PODXL: variants seen among roughly 807,000 people sequenced by gnomAD.
The protein encoded by PODXL is podocalyxin.
PODXL carries 20 observed loss-of-function variants against 48.9 expected under a neutral mutation model. The observed-to-expected ratio is 0.41, with a 90% CI of 0.29 to 0.59. PODXL has a LOEUF of 0.59. Among genes scored for constraint, PODXL ranks in the 20% least tolerant of loss-of-function variants. The pLI, the probability that PODXL is intolerant of heterozygous loss-of-function variation, is 0.31. For missense variants in PODXL, 606 were observed against 675.1 expected, an observed-to-expected ratio of 0.90 and a Z score of 1.13; for synonymous variants, 295 against 287.4, an observed-to-expected ratio of 1.03 and a Z score of -0.27.
chr7:131,508,910 G>A (rs1204883309), intron 5 of PODXL, 41 bp downstream of exon 5: 1 of 1,379,756 alleles, frequency 7.2e-7, no homozygotes, highest in Non-Finnish European at 1.0e-6. Context: ...CAGCCCTGCT[G>A]TGAGCCTGCA....
chr7:131,515,088 C>T (rs960073825), intron 1 of PODXL, among the ~76,000 whole-genome samples: 3 of 152,186 alleles, frequency 2.0e-5, no homozygotes, highest in Non-Finnish European at 4.4e-5. Flanking sequence ...ACATGCACGC[C>T]CCTTTCCAGT....
chr7:131,505,041 T>C (rs1249955559), intron 8 of PODXL, among the ~76,000 whole-genome samples: 3 of 152,066 alleles, frequency 2.0e-5, no homozygotes, highest in South Asian at 2.1e-4. Flanking sequence ...TTTTAACAAC[T>C]ACACTGATGG....
chr7:131,529,537 C>G (rs1562911623), intron 1 of PODXL, among the ~76,000 whole-genome samples: 1 of 151,990 alleles, frequency 6.6e-6, no homozygotes, highest in Non-Finnish European at 1.5e-5. Context: ...ATGAGAGGCT[C>G]TGGCCTGGAC....
At chr7:131,521,018 A>C (rs1193521059) in intron 1 of PODXL, among the ~76,000 whole-genome samples, 1 of 152,126 alleles carries the variant, frequency 6.6e-6, no homozygotes, top group Non-Finnish European at 1.5e-5. Flanking sequence ...AAATACAAAA[A>C]TTAGCCGGGC....
chr7:131,510,634 G>C (rs1426655718), intron 2 of PODXL, among the ~76,000 whole-genome samples, 194 bp downstream of exon 2: 1 of 152,054 alleles, frequency 6.6e-6, no homozygotes, highest in Non-Finnish European at 1.5e-5. Flanking sequence ...ACCATACCCA[G>C]CTAATGTTTG....
intron 1 of PODXL, among the ~76,000 whole-genome samples, chr7:131,550,905 A>T (rs533773497): frequency 6.6e-6 from 1 of 152,152 alleles, no homozygotes; most frequent in South Asian, 2.1e-4. Flanking sequence ...CCCCCATTTG[A>T]AACAAGCAGG....
chr7:131,525,287 A>G (rs1461838098), intron 1 of PODXL, among the ~76,000 whole-genome samples: 1 of 151,966 alleles, frequency 6.6e-6, no homozygotes, highest in African/African-American at 2.4e-5. Flanking sequence ...CAATTTAACT[A>G]TATTATAAAG....
intron 1 of PODXL, among the ~76,000 whole-genome samples, chr7:131,521,746 C>T (rs1037681667): frequency 6.6e-6 from 1 of 152,166 alleles, no homozygotes. Flanking sequence ...GCAGTTTACT[C>T]CTGGGAACCC....
In PODXL at chr7:131,505,994, C is replaced by T. The variant is rs112654233; in HGVS notation, c.1353G>A (p.Pro451=). The T allele has an allele frequency of 2.1e-5, 34 of 1,612,618 alleles. No homozygotes were observed. Among genetic ancestry groups the T allele is most frequent in the Middle Eastern group, 1.7e-4 (1 of 6,058 alleles). Residue 451 remains proline, a synonymous_variant, in exon 8 of 9, where the codon CCG becomes CCA. Coordinates refer to ENST00000378555, the MANE Select transcript of PODXL (RefSeq NM_001018111.3). ...SDMKLGDQGP[P]EEAEDRFSMP... is the part of the protein sequence containing the mutation. ...TGCTGAAGCGGTCCTCGGCCTCCTC[C>T]GGTGGCCCCTGGTCCCCTAGCTTCA...
At chr7:131,526,467 A>AT (rs1798187220) in intron 1 of PODXL, among the ~76,000 whole-genome samples, 1 of 151,698 alleles carries the variant, frequency 6.6e-6, no homozygotes, top group Non-Finnish European at 1.5e-5. Context: ...ATACTTAAGA[A>AT]AACAACCCAA....
intron 6 of PODXL, 28 bp downstream of exon 6, chr7:131,506,551 A>G: frequency 6.2e-7 from 1 of 1,610,236 alleles, no homozygotes; most frequent in Non-Finnish European, 8.5e-7. Context: ...TGCAGGCCCC[A>G]GCCCAGGCCC....
intron 1 of PODXL, among the ~76,000 whole-genome samples, chr7:131,521,992 G>C (rs1047732712): frequency 6.6e-6 from 1 of 152,242 alleles, no homozygotes; most frequent in African/African-American, 2.4e-5. Context: ...AAGCAAAGCA[G>C]AGCTGTGGGC....
In PODXL at chr7:131,508,697, G is replaced by A. The variant is rs992850464; in HGVS notation, c.1101+254C>T. ...TGGAAATAGTCACACAGTGAAAGCC[G>A]AGGAAACCGGGGGGTGGGAGGGGGG... On this transcript the variant is annotated intron_variant, in intron 5 of 8. Transcript: ENST00000378555. Among the ~76,000 whole-genome samples, 11 of 119,856 alleles carry A rather than the reference G, an allele frequency of 9.2e-5. 1 individual carries two copies. The South Asian group carries it at 3.1e-3, about 34-fold the overall frequency. The allele number at this position is 119,856 out of a possible 152,430, so 78.6% of individuals were successfully genotyped here. A position where few individuals can be genotyped will look rare whatever the true frequency, so the allele number is the denominator to read the frequency against.
chr7:131,528,328 G>A (rs1052172865), intron 1 of PODXL, among the ~76,000 whole-genome samples: 7 of 152,174 alleles, frequency 4.6e-5, no homozygotes, highest in Non-Finnish European at 8.8e-5. Flanking sequence ...ATCAGCTATA[G>A]TGATATAGAT....
chr7:131,555,142 G>A (rs546337334), intron 1 of PODXL, among the ~76,000 whole-genome samples: 1 of 152,148 alleles, frequency 6.6e-6, no homozygotes, highest in South Asian at 2.1e-4. Context: ...ATCTCCCCTG[G>A]CCCCTTAGAG....
intron 1 of PODXL, among the ~76,000 whole-genome samples, chr7:131,521,385 GT>G (rs1798090622): frequency 6.6e-6 from 1 of 150,968 alleles, no homozygotes; most frequent in South Asian, 2.1e-4. Context: ...CCAGGCTGGA[GT>G]GCAGTGGTGT....
intron 6 of PODXL, 123 bp downstream of exon 6, chr7:131,506,456 G>T: frequency 7.0e-7 from 1 of 1,423,970 alleles, no homozygotes. Flanking sequence ...GAGGGGGTGT[G>T]GCTTGACAGT....
At chr7:131,513,115 G>T (rs1797942117) in intron 1 of PODXL, among the ~76,000 whole-genome samples, 1 of 152,074 alleles carries the variant, frequency 6.6e-6, no homozygotes, top group South Asian at 2.1e-4. Context: ...AGCCACTGAA[G>T]GCATTAAAGC....
chr7:131,513,511 G>A (rs1020603642), intron 1 of PODXL, among the ~76,000 whole-genome samples: 1 of 152,230 alleles, frequency 6.6e-6, no homozygotes, highest in African/African-American at 2.4e-5. Context: ...CTTGATGGCA[G>A]CAGAATCTGC....
Sources: allele counts gnomAD v4.1 joint callset (sites outside exome capture counted in the v4.1 genomes callset), GRCh38; gene constraint gnomAD v4.1.1; transcripts MANE v1.5; gene names NCBI Gene and HGNC (gene_info 2026-07-23, HGNC 2026-07-21).